The following CNBD1 variants were observed in gnomAD, a reference collection of about 807,000 sequenced individuals.
The protein encoded by CNBD1 is cyclic nucleotide-binding domain-containing protein 1.
Under a neutral mutation model 54.4 loss-of-function variants are expected in CNBD1, and 71 were observed. The observed-to-expected ratio is 1.30, with a 90% CI of 1.08 to 1.59. CNBD1 has a LOEUF of 1.59. CNBD1 is among the 40% of genes most tolerant of loss of function. CNBD1 has a pLI of 0.00. For synonymous variants in CNBD1, 182 were observed against 170.7 expected (o/e 1.07, Z -0.51); for missense variants, 659 against 518.0 (o/e 1.27, Z -2.64).
intron 8 of CNBD1, among the ~76,000 whole-genome samples, chr8:87,331,176 G>A (rs1019887410): frequency 1.1e-4 from 17 of 151,948 alleles, no homozygotes; most frequent in Non-Finnish European, 2.1e-4. Flanking sequence ...TTTTAAGTCC[G>A]ACATGCATTA....
chr8:87,348,422 C>G (rs1372484911), intron 8 of CNBD1, among the ~76,000 whole-genome samples: 1 of 151,988 alleles, frequency 6.6e-6, no homozygotes, highest in Non-Finnish European at 1.5e-5. Flanking sequence ...TTAAAGCAAA[C>G]TATATATATT....
At chr8:87,217,782 A>C (rs1327923025) in intron 5 of CNBD1, among the ~76,000 whole-genome samples, 1 of 152,068 alleles carries the variant, frequency 6.6e-6, no homozygotes, top group Admixed American at 6.6e-5. Context: ...CTTATACTAG[A>C]AATCTTGAAA....
intron 4 of CNBD1, among the ~76,000 whole-genome samples, chr8:87,088,402 A>G (rs1025254605): frequency 1.3e-5 from 2 of 152,216 alleles, no homozygotes; most frequent in Non-Finnish European, 2.9e-5. Context: ...TATCTGTGTG[A>G]CATATATGTC....
chr8:87,050,267 C>T (rs1437339544), intron 4 of CNBD1, among the ~76,000 whole-genome samples: 1 of 152,208 alleles, frequency 6.6e-6, no homozygotes, highest in Non-Finnish European at 1.5e-5. Flanking sequence ...GCTTAATCTT[C>T]TCTTTGCCCA....
At chr8:87,085,663 G>A (rs569885549) in intron 4 of CNBD1, among the ~76,000 whole-genome samples, 1 of 152,098 alleles carries the variant, frequency 6.6e-6, no homozygotes, top group East Asian at 1.9e-4. Flanking sequence ...CAGCTTTAGG[G>A]TTCCCCTGTG....
chr8:87,393,420 C>G (rs113451700), intron 2 of CNBD1, among the ~76,000 whole-genome samples: 2,872 of 151,982 alleles, frequency 0.019, 91 homozygotes, highest in African/African-American at 0.063. Flanking sequence ...TTTGAAAGTA[C>G]ACATATGCAC....
intron 4 of CNBD1, among the ~76,000 whole-genome samples, chr8:87,000,980 C>T (rs1205813802): frequency 6.6e-6 from 1 of 152,128 alleles, no homozygotes; most frequent in African/African-American, 2.4e-5. Flanking sequence ...TAACCCTTCA[C>T]TTTAGAAACA....
At chr8:86,955,868 C>A (rs548990606) in intron 4 of CNBD1, among the ~76,000 whole-genome samples, 1 of 152,272 alleles carries the variant, frequency 6.6e-6, no homozygotes, top group East Asian at 1.9e-4. Context: ...GCTTTTGTTG[C>A]CATTGCTTTT....
chr8:87,130,635 G>T (rs549906666), intron 4 of CNBD1, among the ~76,000 whole-genome samples: 1 of 152,114 alleles, frequency 6.6e-6, no homozygotes, highest in Non-Finnish European at 1.5e-5. Context: ...CAAAATGGCT[G>T]GGTATGGTGG....
At chr8:87,220,137 A>G (rs192325614) in intron 5 of CNBD1, among the ~76,000 whole-genome samples, 40 of 152,158 alleles carry the variant, frequency 2.6e-4, no homozygotes, top group African/African-American at 9.6e-4. Context: ...CCTTTATGCA[A>G]TCGCCAATAA....
At chr8:87,401,618 G>T (rs948763437) in intron 2 of CNBD1, among the ~76,000 whole-genome samples, 1 of 151,836 alleles carries the variant, frequency 6.6e-6, no homozygotes, top group South Asian at 2.1e-4. Context: ...GAGGTTGCTG[G>T]GCCATGAGAA....
intron 5 of CNBD1, among the ~76,000 whole-genome samples, chr8:87,224,439 C>T (rs1323576965): frequency 1.3e-5 from 2 of 151,690 alleles, no homozygotes; most frequent in Admixed American, 6.6e-5. Flanking sequence ...AGGAAGGGAT[C>T]CAGTTTCAGC....
intron 4 of CNBD1, among the ~76,000 whole-genome samples, chr8:87,007,030 C>G (rs1809116885): frequency 6.6e-6 from 1 of 152,118 alleles, no homozygotes; most frequent in Non-Finnish European, 1.5e-5. Context: ...AACTCTGTCT[C>G]TACTAAAAAT....
chr8:86,991,435 G>T (rs1210757961), intron 4 of CNBD1, among the ~76,000 whole-genome samples: 2 of 151,566 alleles, frequency 1.3e-5, no homozygotes, highest in African/African-American at 2.4e-5. Flanking sequence ...TTAGTGCTCT[G>T]CCAATCTTAT....
chr8:87,180,478 A>G (rs1319148510), intron 4 of CNBD1, among the ~76,000 whole-genome samples: 1 of 152,194 alleles, frequency 6.6e-6, no homozygotes, highest in Non-Finnish European at 1.5e-5. Flanking sequence ...TTTAGATAAA[A>G]CAATATATCA....
chr8:87,184,741 A>G (rs942354755), intron 4 of CNBD1, among the ~76,000 whole-genome samples: 2 of 151,614 alleles, frequency 1.3e-5, no homozygotes, highest in Non-Finnish European at 2.9e-5. Flanking sequence ...TCCTCCCTAT[A>G]TCCACTCCCA....
chr8:87,264,440 A>G (rs1282880961), intron 6 of CNBD1, among the ~76,000 whole-genome samples: 3 of 152,168 alleles, frequency 2.0e-5, no homozygotes, highest in South Asian at 2.1e-4. Flanking sequence ...GCTATTGTGA[A>G]TAGTGCCACA....
intron 8 of CNBD1, among the ~76,000 whole-genome samples, chr8:87,332,271 G>A (rs1035581593): frequency 2.0e-5 from 3 of 151,694 alleles, no homozygotes; most frequent in Admixed American, 6.6e-5. Flanking sequence ...TCGCTTGAAC[G>A]CAGGAGGCGG....
rs187572367 is a variant in CNBD1, at chr8:87,333,758, A to G, written c.1043-17927A>G. Among the ~76,000 whole-genome samples, 562 of 152,172 alleles carry G rather than the reference A, an allele frequency of 3.7e-3. 6 individuals are homozygous for G. Among genetic ancestry groups the G allele is most frequent in the African/African-American group, 0.013 (546 of 41,498 alleles). ...GATAAGCTTTTTGATGTGCTTCTGG[A>G]TTTGGTTTGCCAGCATTTTATTGAG... On this transcript the variant is annotated intron_variant, in intron 8 of 10. Coordinates refer to ENST00000518476, the MANE Select transcript of CNBD1 (RefSeq NM_173538.3).
Sources: allele counts gnomAD v4.1 joint callset (sites outside exome capture counted in the v4.1 genomes callset), GRCh38; gene constraint gnomAD v4.1.1; transcripts MANE v1.5; gene names NCBI Gene and HGNC (gene_info 2026-07-23, HGNC 2026-07-21).